The following CAST variants were observed in gnomAD, a reference collection of about 807,000 sequenced individuals.
CAST encodes MIR583 host.
In CAST, 76 loss-of-function variants were observed where a neutral mutation model predicts 119.6. The observed-to-expected ratio is 0.64, with a 90% CI of 0.53 to 0.77. CAST has a LOEUF of 0.77. CAST is among the 30% of genes least tolerant of loss of function. CAST has a pLI of 0.00. For missense variants in CAST, 953 were observed against 946.5 expected (o/e 1.01, Z -0.09); for synonymous variants, 319 against 331.6 (o/e 0.96, Z 0.41).
Position 96,575,830 on chromosome 5 carries a change from A to G in CAST, c.60+45950A>G, listed in dbSNP as rs762348237. On this transcript the variant is annotated intron_variant, in intron 1 of 11. Coordinates refer to the CAST transcript ENST00000505143. ...GCTAATTTTTTAATCATTTGTAGCA[A>G]TGGGGTCACACTATGTTGCCCAGGT... Among the ~76,000 whole-genome samples, 22 of 151,944 alleles carry G rather than the reference A, an allele frequency of 1.4e-4. 1 individual carries two copies. Among genetic ancestry groups the G allele is most frequent in the South Asian group, 4.2e-4 (2 of 4,814 alleles).
chr5:96,486,979 T>C, the CAST span, among the ~76,000 whole-genome samples: 1 of 152,240 alleles, frequency 6.6e-6, no homozygotes, highest in African/African-American at 2.4e-5. Context: ...TTATAATTTC[T>C]TGACTCTTTC....
At chr5:96,593,103 T>C (rs948313746) in intron 1 of CAST, among the ~76,000 whole-genome samples, 2 of 152,232 alleles carry the variant, frequency 1.3e-5, no homozygotes, top group African/African-American at 4.8e-5. Flanking sequence ...AAATCTCAGC[T>C]TCCTTTGTGG....
At chr5:96,534,808 G>GA in intron 1 of CAST, among the ~76,000 whole-genome samples, 1 of 133,598 alleles carries the variant, frequency 7.5e-6, no homozygotes, top group African/African-American at 2.9e-5. Context: ...AAAGAAGAAA[G>GA]AAAGAAAGAA....
intron 1 of CAST, among the ~76,000 whole-genome samples, chr5:96,543,964 T>C (rs1745959921): frequency 6.6e-6 from 1 of 152,242 alleles, no homozygotes; most frequent in Admixed American, 6.5e-5. Context: ...TCTTGGTCAC[T>C]GTAGCTTTAC....
the CAST span, among the ~76,000 whole-genome samples, chr5:96,009,540 T>C: frequency 6.6e-6 from 1 of 152,216 alleles, no homozygotes; most frequent in South Asian, 2.1e-4. Context: ...TGCATTTATC[T>C]GATGGTTAGT....
chr5:96,304,626 A>G, the CAST span, among the ~76,000 whole-genome samples: 8 of 152,308 alleles, frequency 5.3e-5, 1 homozygote, highest in South Asian at 1.0e-3. Context: ...TAATTTTTGT[A>G]TAAGGTGTAA....
the CAST span, among the ~76,000 whole-genome samples, chr5:96,279,672 T>G: frequency 2.0e-5 from 3 of 152,342 alleles, no homozygotes; most frequent in Non-Finnish European, 4.4e-5. Flanking sequence ...ATGTTCTGAT[T>G]AATGTTCTTA....
At chr5:96,424,817 G>T in the CAST span, among the ~76,000 whole-genome samples, 1 of 151,934 alleles carries the variant, frequency 6.6e-6, no homozygotes, top group East Asian at 1.9e-4. Flanking sequence ...ACAAAAATTA[G>T]CTGGGCATGG....
the CAST span, among the ~76,000 whole-genome samples, chr5:96,087,243 T>C: frequency 6.6e-6 from 1 of 152,232 alleles, no homozygotes; most frequent in Non-Finnish European, 1.5e-5. Flanking sequence ...CATCAGAGGT[T>C]TCATTTACAT....
At chr5:96,418,481 G>C in the CAST span, among the ~76,000 whole-genome samples, 1 of 152,160 alleles carries the variant, frequency 6.6e-6, no homozygotes, top group Admixed American at 6.5e-5. Context: ...TTAATGGTAA[G>C]CATTACCTGC....
intron 1 of CAST, among the ~76,000 whole-genome samples, chr5:96,603,681 T>C (rs963462856): frequency 5.3e-5 from 8 of 151,662 alleles, no homozygotes; most frequent in Non-Finnish European, 8.8e-5. Context: ...ATTAAAAGTA[T>C]AATATAGCAA....
the CAST span, among the ~76,000 whole-genome samples, chr5:96,472,784 G>A: frequency 1.0e-3 from 153 of 152,322 alleles, 2 homozygotes; most frequent in Admixed American, 7.8e-4. Flanking sequence ...AACAATGTAG[G>A]CATGATCACT....
intron 12 of CAST, among the ~76,000 whole-genome samples, 166 bp from the exon 13 acceptor site, chr5:96,740,579 G>A (rs767968601): frequency 7.2e-5 from 11 of 152,030 alleles, no homozygotes; most frequent in Non-Finnish European, 1.5e-4. Flanking sequence ...GATTCTATAA[G>A]GAACCTATCT....
At chr5:96,541,011 C>T (rs918884365) in intron 1 of CAST, among the ~76,000 whole-genome samples, 1 of 152,086 alleles carries the variant, frequency 6.6e-6, no homozygotes, top group African/African-American at 2.4e-5. Flanking sequence ...TTCCCCCTTT[C>T]CCATGTGCTC....
chr5:96,237,387 G>T, the CAST span, among the ~76,000 whole-genome samples: 4 of 152,070 alleles, frequency 2.6e-5, no homozygotes, highest in Admixed American at 6.6e-5. Flanking sequence ...GGGGGAGTAG[G>T]GGTAATATCT....
intron 3 of CAST, among the ~76,000 whole-genome samples, chr5:96,709,996 G>A (rs571493434): frequency 5.9e-5 from 9 of 152,276 alleles, no homozygotes; most frequent in African/African-American, 2.2e-4. Flanking sequence ...GCGGGCTATA[G>A]AGAAAGTCAC....
At chr5:96,289,810 CAAAT>C in the CAST span, among the ~76,000 whole-genome samples, 1 of 152,044 alleles carries the variant, frequency 6.6e-6, no homozygotes, top group Non-Finnish European at 1.5e-5. Context: ...TGTTGAGAGA[CAAAT>C]AAATGAGGTG....
the CAST span, among the ~76,000 whole-genome samples, chr5:96,424,979 T>TAGAA: frequency 0.025 from 1,644 of 65,488 alleles, 37 homozygotes; most frequent in African/African-American, 0.038. Context: ...AAAAGAAAGA[T>TAGAA]AGAAAGAAAG....
Position 96,750,593 on chromosome 5 carries a change from A to G in CAST, c.1435A>G (p.Lys479Glu), listed in dbSNP as rs1251484069. 3.1e-6 allele frequency: 5 copies of G among 1,610,638 alleles called. No homozygotes were observed. The highest frequency in any genetic ancestry group is 4.2e-6 in the Non-Finnish European group (5 of 1,177,172). ...TACTTGTGTCTTTCCTCAGGAATCTAAGGCCGCTGCTCCAGCTCCTGTGTC... is the reference window on the plus strand; with the variant it reads ...TACTTGTGTCTTTCCTCAGGAATCTGAGGCCGCTGCTCCAGCTCCTGTGTC... ...SKPTEKTEES[K>E]AAAPAPVSEA... The change falls in exon 20 of 32, where the codon AAG (lysine) becomes GAG (glutamate). Residue 479 changes from lysine (K) to glutamate (E), a missense_variant. Lys to Glu is a moderately conservative substitution (Grantham distance 56). Coordinates refer to ENST00000675179, the MANE Select transcript of CAST (RefSeq NM_001750.7).
Sources: gnomAD v4.1 joint callset for allele counts (sites outside exome capture counted in the v4.1 genomes callset) on GRCh38, gnomAD v4.1.1 for gene constraint, MANE v1.5 for transcripts, NCBI Gene and HGNC (gene_info 2026-07-23, HGNC 2026-07-21) for gene names.